The following GPM6A variants were observed in gnomAD, a reference collection of about 807,000 sequenced individuals.
GPM6A encodes the protein glycoprotein M6A.
Under a neutral mutation model 32.1 loss-of-function variants are expected in GPM6A, and 7 were observed. The ratio of observed to expected loss-of-function variants is 0.22; its 90% CI spans 0.12 to 0.41. GPM6A has a LOEUF of 0.41. GPM6A is among the 10% of genes least tolerant of loss of function. GPM6A has a pLI of 1.00. For missense variants in GPM6A, 235 were observed against 347.2 expected (o/e 0.68, Z 2.57); for synonymous variants, 130 against 123.4 (o/e 1.05, Z -0.35).
rs987015709 is a variant in GPM6A, at chr4:175,917,839, G to A, written c.-23+84470C>T. On this transcript the variant is annotated intron_variant, in intron 1 of 7. Transcript: ENST00000280187. ...AAGAAAACACTAGAGAGACAACAATGTTAAGTAGCCTTATAAGTCAATGTG... is the reference window on the plus strand; with the variant it reads ...AAGAAAACACTAGAGAGACAACAATATTAAGTAGCCTTATAAGTCAATGTG... Among the ~76,000 whole-genome samples, 12 of 83,900 alleles carry A rather than the reference G, an allele frequency of 1.4e-4. No homozygotes were observed. The Admixed American group carries it at 1.5e-3, about 10-fold the overall frequency. 55.0% of individuals were successfully genotyped at this position (83,900 alleles called of 152,430 possible). A position where few individuals can be genotyped will look rare whatever the true frequency, so the allele number is the denominator to read the frequency against.
At chr4:175,759,033 A>C (rs777539315) in intron 1 of GPM6A, among the ~76,000 whole-genome samples, 2 of 152,188 alleles carry the variant, frequency 1.3e-5, no homozygotes, top group Non-Finnish European at 2.9e-5. Flanking sequence ...CTAAAAAACA[A>C]TATTGTGCAA....
intron 1 of GPM6A, among the ~76,000 whole-genome samples, chr4:175,995,238 C>A (rs1741267230): frequency 6.6e-6 from 1 of 152,036 alleles, no homozygotes. Context: ...ATGGTAAATT[C>A]TTTCCAGAAG....
intron 1 of GPM6A, among the ~76,000 whole-genome samples, chr4:175,703,105 T>G (rs914922540): frequency 9.9e-5 from 15 of 152,166 alleles, no homozygotes; most frequent in African/African-American, 3.4e-4. Flanking sequence ...AAAAAAATAG[T>G]GCTTGACATA....
At chr4:175,805,303 C>T (rs545676657) in intron 1 of GPM6A, among the ~76,000 whole-genome samples, 2 of 152,106 alleles carry the variant, frequency 1.3e-5, no homozygotes, top group African/African-American at 2.4e-5. Context: ...ATAGGTAATT[C>T]ACCATTCAAA....
At chr4:175,658,811 A>C (rs987783234) in intron 3 of GPM6A, among the ~76,000 whole-genome samples, 3 of 152,216 alleles carry the variant, frequency 2.0e-5, no homozygotes, top group African/African-American at 7.2e-5. Context: ...TGAAATGTTA[A>C]TACGATCTAA....
At chr4:175,646,804 A>G (rs1391119851) in intron 4 of GPM6A, among the ~76,000 whole-genome samples, 4 of 152,184 alleles carry the variant, frequency 2.6e-5, no homozygotes. Context: ...CATCTAGACA[A>G]TGAGATGCCA....
intron 1 of GPM6A, among the ~76,000 whole-genome samples, chr4:175,930,236 C>T (rs1738983100): frequency 6.6e-6 from 1 of 151,982 alleles, no homozygotes; most frequent in African/African-American, 2.4e-5. Context: ...TTTGAAAATG[C>T]TTGGAAACAG....
chr4:175,642,739 T>C (rs1325744909), intron 4 of GPM6A, among the ~76,000 whole-genome samples: 1 of 152,076 alleles, frequency 6.6e-6, no homozygotes, highest in African/African-American at 2.4e-5. Flanking sequence ...CAGCCTTTTT[T>C]CTCCCATGCA....
intron 1 of GPM6A, among the ~76,000 whole-genome samples, chr4:175,776,816 T>C (rs78836917): frequency 0.02 from 3,075 of 152,084 alleles, 56 homozygotes; most frequent in Non-Finnish European, 0.031. Context: ...ATAAGTGGAG[T>C]TCCTGGGAAC....
chr4:175,796,784 A>G (rs1273146456), intron 1 of GPM6A, among the ~76,000 whole-genome samples: 1 of 152,184 alleles, frequency 6.6e-6, no homozygotes, highest in African/African-American at 2.4e-5. Context: ...TAGTTCAAAA[A>G]CAAAGAAGCA....
At chr4:175,774,603 A>T (rs1733320319) in intron 1 of GPM6A, among the ~76,000 whole-genome samples, 1 of 152,088 alleles carries the variant, frequency 6.6e-6, no homozygotes, top group Admixed American at 6.6e-5. Context: ...CACTGAGTTT[A>T]TTAGATAAAA....
At chr4:175,844,678 C>T (rs998852681) in intron 1 of GPM6A, among the ~76,000 whole-genome samples, 1 of 152,120 alleles carries the variant, frequency 6.6e-6, no homozygotes, top group African/African-American at 2.4e-5. Flanking sequence ...TCTGACTCTA[C>T]AAATGATGAA....
chr4:175,887,766 T>C (rs1256045829), intron 1 of GPM6A, among the ~76,000 whole-genome samples: 1 of 151,828 alleles, frequency 6.6e-6, no homozygotes, highest in East Asian at 1.9e-4. Flanking sequence ...GTTGAAAATG[T>C]TGATGAAATT....
chr4:175,915,447 C>A (rs749318341), intron 1 of GPM6A, among the ~76,000 whole-genome samples: 1 of 151,944 alleles, frequency 6.6e-6, no homozygotes, highest in African/African-American at 2.4e-5. Flanking sequence ...CCAGCACATG[C>A]GGCTAATTTT....
intron 1 of GPM6A, among the ~76,000 whole-genome samples, chr4:175,863,785 C>T (rs761705881): frequency 2.4e-4 from 36 of 152,060 alleles, no homozygotes; most frequent in African/African-American, 1.2e-4. Context: ...GAGGACTCTT[C>T]GAGCCCAAGA....
At chr4:175,657,620 A>G (rs936470378) in intron 3 of GPM6A, among the ~76,000 whole-genome samples, 3 of 152,198 alleles carry the variant, frequency 2.0e-5, no homozygotes, top group Non-Finnish European at 2.9e-5. Flanking sequence ...AGCCAAAGGC[A>G]TGAATGAGTG....
Position 175,746,643 on chromosome 4 carries a change from A to C in GPM6A, c.38-44876T>G, listed in dbSNP as rs183947977. ...ATCTCTACCCTTTAGAGAATGGATC[A>C]TTTTTGTCCAAGGACTTTGATTTTG... On this transcript the variant is annotated intron_variant, in intron 1 of 6. Transcript: ENST00000393658. Among the ~76,000 whole-genome samples the C allele has an allele frequency of 4.1e-4, 63 of 152,272 alleles. 1 individual carries two copies. The highest frequency in any genetic ancestry group is 2.9e-3 in the Admixed American group (45 of 15,290).
intron 1 of GPM6A, among the ~76,000 whole-genome samples, chr4:175,866,885 A>G (rs951840336): frequency 3.3e-5 from 5 of 152,202 alleles, no homozygotes; most frequent in African/African-American, 7.2e-5. Context: ...CCCACCAGCA[A>G]TGAATGAGTG....
At chr4:175,657,786 G>A (rs540122560) in intron 3 of GPM6A, among the ~76,000 whole-genome samples, 5 of 152,096 alleles carry the variant, frequency 3.3e-5, no homozygotes, top group Admixed American at 6.5e-5. Context: ...GTCAGATGTC[G>A]GTTGTGCAAT....
Sources: gnomAD v4.1 joint callset for allele counts (sites outside exome capture counted in the v4.1 genomes callset) on GRCh38, gnomAD v4.1.1 for gene constraint, MANE v1.5 for transcripts, NCBI Gene and HGNC (gene_info 2026-07-23, HGNC 2026-07-21) for gene names.